ATP11B: variants seen among roughly 807,000 people sequenced by gnomAD.
The protein encoded by ATP11B is ATPase phospholipid transporting 11B (putative).
In ATP11B, 81 loss-of-function variants were observed where a neutral mutation model predicts 157.8. The ratio of observed to expected loss-of-function variants is 0.51; its 90% CI spans 0.43 to 0.62. The LOEUF is 0.62. ATP11B is among the 20% of genes least tolerant of loss of function. The probability of loss-of-function intolerance (pLI) is 0.00; values close to 1 mark genes in which losing one functional copy is unlikely to be tolerated. For missense variants in ATP11B, 1,165 were observed against 1,402.2 expected (o/e 0.83, Z 2.70); for synonymous variants, 451 against 469.4 (o/e 0.96, Z 0.51).
At chr3:182,853,435 T>G (rs1382625363) in intron 10 of ATP11B, among the ~76,000 whole-genome samples, 5 of 152,098 alleles carry the variant, frequency 3.3e-5, no homozygotes, top group Non-Finnish European at 5.9e-5. Context: ...CTTGATCTCT[T>G]GACCTCTTGA....
At chr3:182,906,824 C>T (rs1337960814) in intron 28 of ATP11B, among the ~76,000 whole-genome samples, 1 of 150,834 alleles carries the variant, frequency 6.6e-6, no homozygotes, top group Non-Finnish European at 1.5e-5. Flanking sequence ...CATGGTGGCT[C>T]ACGCCTGTAA....
At chr3:182,864,841 A>G (rs1721107923) in intron 12 of ATP11B, among the ~76,000 whole-genome samples, 1 of 152,106 alleles carries the variant, frequency 6.6e-6, no homozygotes, top group South Asian at 2.1e-4. Flanking sequence ...CTTTTAAAGT[A>G]CTTTTTCTGG....
intron 29 of ATP11B, 37 bp downstream of exon 29, chr3:182,914,031 A>G: frequency 6.2e-7 from 1 of 1,612,368 alleles, no homozygotes; most frequent in South Asian, 1.1e-5. Flanking sequence ...GCTGCAGATG[A>G]GTATCCTATC....
rs1347782767 is a variant in ATP11B, at chr3:182,897,287, A to G, written c.3049-16A>G. The G allele has an allele frequency of 2.0e-6, 3 of 1,489,240 alleles. No individual in the cohort carries two copies. The highest frequency in any genetic ancestry group is 2.7e-6 in the Non-Finnish European group (3 of 1,107,452). 92.3% of individuals were successfully genotyped at this position (1,489,240 alleles called of 1,614,324 possible). A position where few individuals can be genotyped will look rare whatever the true frequency, so the allele number is the denominator to read the frequency against. ...TATTTGTTTATATTTCTAAGGATAT[A>G]AAAACTTTTTTTTAGATGGCTCTGG... On this transcript the variant is annotated splice_polypyrimidine_tract_variant and intron_variant, in intron 26 of 29. Transcript: ENST00000323116.
chr3:182,861,111 G>A (rs1229453505), intron 12 of ATP11B, among the ~76,000 whole-genome samples: 1 of 148,664 alleles, frequency 6.7e-6, no homozygotes, highest in Non-Finnish European at 1.5e-5. Flanking sequence ...TGTTGCCCAG[G>A]CTGGAGTGCA....
chr3:182,846,559 T>C (rs2108520624), intron 9 of ATP11B, among the ~76,000 whole-genome samples: 1 of 152,226 alleles, frequency 6.6e-6, no homozygotes, highest in South Asian at 2.1e-4. Flanking sequence ...TAGCCAAAGG[T>C]TGGAAATAGC....
At chr3:182,837,616 TATTTTACTTACACGCAC>T (rs1718655256) in intron 7 of ATP11B, among the ~76,000 whole-genome samples, 1 of 152,210 alleles carries the variant, frequency 6.6e-6, no homozygotes, top group African/African-American at 2.4e-5. Context: ...AAGTTTTCAA[TATTTTACTTACACGCAC>T]ATAATAAAGT....
At chr3:182,908,376 A>C (rs1724537069) in intron 28 of ATP11B, 4 of 151,782 alleles carry the variant, frequency 2.6e-5, no homozygotes, top group African/African-American at 7.2e-5. Flanking sequence ...TTGTATATTC[A>C]GTAGAGACAG....
intron 25 of ATP11B, 125 bp downstream of exon 25, chr3:182,889,673 G>A (rs1277379773): frequency 2.2e-6 from 2 of 893,596 alleles, no homozygotes; most frequent in South Asian, 2.0e-5. Flanking sequence ...AATATAAAAA[G>A]GTTTAAATTT....
In ATP11B at chr3:182,884,808, C is replaced by T. The variant is rs192256807; in HGVS notation, c.2565C>T (p.Ala855=). 1.2e-6 allele frequency: 2 copies of T among 1,602,256 alleles called. No individual in the cohort carries two copies. Among genetic ancestry groups the T allele is most frequent in the African/African-American group, 2.7e-5 (2 of 74,370 alleles). ...QAARNSDYAI[A]RFKFLSKLLF... ...CAAGAAACAGTGACTATGCAATAGCCAGATTTAAGTTCCTCTCCAAATTGC... is the reference window on the plus strand; with the variant it reads ...CAAGAAACAGTGACTATGCAATAGCTAGATTTAAGTTCCTCTCCAAATTGC... The change falls in exon 22 of 30, where the codon GCC becomes GCT. Residue 855 remains alanine, a synonymous_variant. Coordinates refer to ENST00000323116, the MANE Select transcript of ATP11B (RefSeq NM_014616.3).
At chr3:182,912,615 A>G (rs1724872458) in intron 28 of ATP11B, among the ~76,000 whole-genome samples, 2 of 152,352 alleles carry the variant, frequency 1.3e-5, no homozygotes, top group African/African-American at 4.8e-5. Flanking sequence ...CAGTTGCCAG[A>G]TAAGAACCAT....
intron 1 of ATP11B, among the ~76,000 whole-genome samples, chr3:182,808,339 A>T (rs1421466922): frequency 6.6e-6 from 1 of 152,220 alleles, no homozygotes; most frequent in African/African-American, 2.4e-5. Flanking sequence ...TTTCTAACTT[A>T]GATATGCAGG....
chr3:182,794,279 G>C (rs1397594590), intron 1 of ATP11B, among the ~76,000 whole-genome samples: 1 of 152,170 alleles, frequency 6.6e-6, no homozygotes, highest in African/African-American at 2.4e-5. Context: ...AGCGTGTCAC[G>C]ATCCAGAGCT....
intron 2 of ATP11B, among the ~76,000 whole-genome samples, chr3:182,825,121 G>C (rs1284847667): frequency 6.6e-6 from 1 of 152,122 alleles, no homozygotes; most frequent in Non-Finnish European, 1.5e-5. Context: ...ACAAAGCCAT[G>C]ATGAGCTTTT....
At position 182,836,308 on chromosome 3, in the gene ATP11B, T is replaced by C. The variant is rs772904318; in HGVS notation, c.424-34T>C. The C allele has an allele frequency of 2.5e-6, 4 of 1,611,794 alleles. No individual in the cohort carries two copies. The Admixed American group carries it at 6.7e-5, about 27-fold the overall frequency. On this transcript the variant is annotated intron_variant, in intron 5 of 29. Coordinates refer to ENST00000323116, the MANE Select transcript of ATP11B (RefSeq NM_014616.3). ...AAAGTAAGTCCTTGCCTTTTAAAAT[T>C]TATAAATTCACTCTTCCCCAAAATT... is the stretch of plus-strand genomic sequence containing the variant.
At chr3:182,875,497 G>A (rs949685180) in intron 19 of ATP11B, among the ~76,000 whole-genome samples, 5 of 152,160 alleles carry the variant, frequency 3.3e-5, no homozygotes, top group Admixed American at 6.5e-5. Flanking sequence ...AGGCTGGAGT[G>A]CAATGACGCA....
rs1491244272 is a variant in ATP11B, at chr3:182,920,448, C to CTCTT, written c.*2345_*2348dup. The stretch of plus-strand genomic sequence containing the variant: ...CTAGTGCTATATTCATCCTGTAAAA[C>CTCTT]TCTTACTACGTAACCAGTAATCACA... On this transcript the variant is annotated 3_prime_UTR_variant, in exon 30 of 30. Transcript: ENST00000323116. 4 of 152,184 alleles carry CTCTT rather than the reference C, an allele frequency of 2.6e-5. No homozygotes were observed. The highest frequency in any genetic ancestry group is 5.9e-5 in the Non-Finnish European group (4 of 68,042). 9.4% of individuals were successfully genotyped at this position (152,184 alleles called of 1,614,324 possible). A position where few individuals can be genotyped will look rare whatever the true frequency, so the allele number is the denominator to read the frequency against.
Position 182,918,375 on chromosome 3 carries a change from C to T in ATP11B, c.*271C>T. The T allele has an allele frequency of 2.4e-6, 1 of 409,582 alleles. No homozygotes were observed. The highest frequency in any genetic ancestry group is 3.5e-5 in the East Asian group (1 of 28,506). The allele number at this position is 409,582 out of a possible 1,614,324, so 25.4% of individuals were successfully genotyped here. A position where few individuals can be genotyped will look rare whatever the true frequency, so the allele number is the denominator to read the frequency against. ...GTTTGTCCCTTGTGCTTATGGGACT[C>T]CTAATGGCATTTCAGTCTGTTGCTG... On this transcript the variant is annotated 3_prime_UTR_variant, in exon 30 of 30. Transcript: ENST00000323116.
chr3:182,891,270 G>A (rs1382921578), intron 25 of ATP11B, among the ~76,000 whole-genome samples: 1 of 152,168 alleles, frequency 6.6e-6, no homozygotes, highest in Non-Finnish European at 1.5e-5. Context: ...TGAAAAGGAT[G>A]TTAAAGATCT....
Sources: gnomAD v4.1 joint callset for allele counts (sites outside exome capture counted in the v4.1 genomes callset) on GRCh38, gnomAD v4.1.1 for gene constraint, MANE v1.5 for transcripts, NCBI Gene and HGNC (gene_info 2026-07-23, HGNC 2026-07-21) for gene names.